GATB: variants seen among roughly 807,000 people sequenced by gnomAD.
The protein encoded by GATB is glutamyl-tRNA amidotransferase subunit B.
Under a neutral mutation model 62.3 loss-of-function variants are expected in GATB, and 39 were observed. That is an observed-to-expected ratio of 0.63 (90% CI 0.48 to 0.82). GATB has a LOEUF of 0.82. Among genes scored for constraint, GATB ranks in the 40% least tolerant of loss-of-function variants. GATB has a pLI of 0.00. For missense variants in GATB, 670 were observed against 684.0 expected (o/e 0.98, Z 0.23); for synonymous variants, 276 against 258.9 (o/e 1.07, Z -0.63).
At chr4:151,678,745 C>T (rs116519361) in intron 11 of GATB, among the ~76,000 whole-genome samples, 306 of 152,352 alleles carry the variant, frequency 2.0e-3, no homozygotes, top group Admixed American at 5.9e-3. Context: ...CCTGCCACTA[C>T]TGTCGGTGCA....
At chr4:151,718,884 C>T (rs772120103) in intron 3 of GATB, among the ~76,000 whole-genome samples, 9 of 151,976 alleles carry the variant, frequency 5.9e-5, no homozygotes, top group Admixed American at 2.0e-4. Flanking sequence ...TACTGCTCAG[C>T]CAAGTAACTG....
At chr4:151,716,276 C>A (rs896771664) in intron 4 of GATB, 145 bp from the exon 5 acceptor site, 35 of 723,626 alleles carry the variant, frequency 4.8e-5, no homozygotes, top group Non-Finnish European at 6.0e-5. Context: ...TTCCCTCCCA[C>A]CTTTTTTTTT....
intron 2 of GATB, among the ~76,000 whole-genome samples, chr4:151,736,267 CA>C (rs1314668165): frequency 6.6e-6 from 1 of 152,070 alleles, no homozygotes; most frequent in Non-Finnish European, 1.5e-5. Flanking sequence ...ATAAACCCTG[CA>C]AATAGACACC....
chr4:151,671,147 C>G lies in GATB; in HGVS notation c.*27G>C, dbSNP rs376089217. On this transcript the variant is annotated 3_prime_UTR_variant, in exon 13 of 13. Coordinates refer to ENST00000263985, the MANE Select transcript of GATB (RefSeq NM_004564.3). ...GTCAGGCTGCACTGTTTGTTGTTGT[C>G]CCTTGGGCAAGGGGATCCCAAACAT... 1.2e-6 allele frequency: 2 copies of G among 1,613,892 alleles called. No individual in the cohort carries two copies. The highest frequency in any genetic ancestry group is 1.7e-6 in the Non-Finnish European group (2 of 1,179,838).
intron 2 of GATB, among the ~76,000 whole-genome samples, chr4:151,752,902 G>C (rs543477525): frequency 6.6e-6 from 1 of 152,256 alleles, no homozygotes; most frequent in Non-Finnish European, 1.5e-5. Context: ...TTCATCAGTG[G>C]CCTTCACTGT....
intron 2 of GATB, among the ~76,000 whole-genome samples, chr4:151,757,791 C>G (rs1739866163): frequency 6.6e-6 from 1 of 152,102 alleles, no homozygotes. Context: ...CCAGCTTCCA[C>G]TCTTATTTAA....
chr4:151,746,268 A>G (rs1739592192), intron 2 of GATB, among the ~76,000 whole-genome samples: 1 of 152,234 alleles, frequency 6.6e-6, no homozygotes, highest in Admixed American at 6.5e-5. Flanking sequence ...CTGAAATCTC[A>G]CCATTACTGG....
At chr4:151,705,764 C>T (rs1339498698) in intron 6 of GATB, among the ~76,000 whole-genome samples, 1 of 152,174 alleles carries the variant, frequency 6.6e-6, no homozygotes, top group Non-Finnish European at 1.5e-5. Context: ...ATCCAAGGAC[C>T]CATGCCTCAG....
rs779744289 is a variant in GATB, at chr4:151,671,157, A to G, written c.*17T>C. ...ACTGTTTGTTGTTGTCCCTTGGGCA[A>G]GGGGATCCCAAACATCTCACAATGA... is the stretch of plus-strand genomic sequence containing the variant. On this transcript the variant is annotated 3_prime_UTR_variant, in exon 13 of 13. Transcript: ENST00000263985. The G allele has an allele frequency of 2.5e-6, 4 of 1,613,798 alleles. No individual in the cohort carries two copies. Among genetic ancestry groups the G allele is most frequent in the Middle Eastern group, 1.7e-4 (1 of 6,058 alleles).
At chr4:151,693,443 G>A (rs1385297034) in intron 9 of GATB, among the ~76,000 whole-genome samples, 1 of 152,144 alleles carries the variant, frequency 6.6e-6, no homozygotes, top group African/African-American at 2.4e-5. Flanking sequence ...GAGAGGCCTC[G>A]TCAGTGGAGA....
intron 2 of GATB, among the ~76,000 whole-genome samples, chr4:151,729,357 G>T (rs1331750538): frequency 6.6e-6 from 1 of 152,274 alleles, no homozygotes; most frequent in Non-Finnish European, 1.5e-5. Context: ...GGACTAAAGA[G>T]ACATGACAAC....
At chr4:151,722,204 G>A (rs1560856709) in intron 2 of GATB, 4 of 702,130 alleles carry the variant, frequency 5.7e-6, no homozygotes, top group Non-Finnish European at 1.0e-5. Flanking sequence ...TTCAACTTGG[G>A]CTGTCTTCAC....
At chr4:151,707,875 C>A (rs759513833) in intron 6 of GATB, 113 bp downstream of exon 6, 1 of 694,700 alleles carries the variant, frequency 1.4e-6, no homozygotes, top group Non-Finnish European at 2.5e-6. Context: ...CAGAACGGAC[C>A]AGTGAAAACG....
chr4:151,744,790 C>T (rs1197987483), intron 2 of GATB, among the ~76,000 whole-genome samples: 1 of 152,126 alleles, frequency 6.6e-6, no homozygotes, highest in East Asian at 1.9e-4. Flanking sequence ...GAGGTGAGAT[C>T]ATGCTGCCTC....
intron 9 of GATB, among the ~76,000 whole-genome samples, chr4:151,689,841 T>G (rs1258083408): frequency 6.6e-6 from 1 of 152,146 alleles, no homozygotes; most frequent in Non-Finnish European, 1.5e-5. Context: ...GGTTCTATAC[T>G]ACAGCTTGCT....
At chr4:151,677,873 C>CT (rs1738041632) in intron 11 of GATB, 1 of 150,934 alleles carries the variant, frequency 6.6e-6, no homozygotes, top group African/African-American at 2.5e-5. Context: ...AAGAAATAAA[C>CT]TAAAAAAAAG....
rs1738600381 is a variant in GATB at position 151,701,401 on chromosome 4, C to T, written c.1125G>A (p.Glu375=). 1.2e-6 allele frequency: 2 copies of T among 1,604,826 alleles called. No homozygotes were observed. The highest frequency in any genetic ancestry group is 1.7e-6 in the Non-Finnish European group (2 of 1,175,514). The stretch of plus-strand genomic sequence containing the variant: ...GCTTCTCTCGGGTCACACTGGGGAG[C>T]TCCGGGAGTGTCTCCCGAATCTGGT... The part of the protein sequence containing the change: ...NIDQIRETLP[E]LPSVTREKLV... Residue 375 remains glutamate, a synonymous_variant, in exon 9 of 13, where the codon GAG becomes GAA. Coordinates refer to ENST00000263985, the MANE Select transcript of GATB (RefSeq NM_004564.3).
chr4:151,674,637 CCTG>C (rs751584563), intron 11 of GATB: 1 of 152,078 alleles, frequency 6.6e-6, no homozygotes, highest in Non-Finnish European at 1.5e-5. Flanking sequence ...CAGTTTGTGT[CCTG>C]CTTTCTTTCA....
Position 151,760,888 on chromosome 4 carries a change from G to A in GATB, c.95C>T (p.Thr32Ile), listed in dbSNP as rs370905906. Residue 32 changes from threonine (T) to isoleucine (I), a missense_variant, in exon 1 of 13, where the codon ACT (threonine) becomes ATT (isoleucine). Coordinates refer to ENST00000263985, the MANE Select transcript of GATB (RefSeq NM_004564.3). The part of the protein sequence containing the change: ...GGSCHRRGAP[T>I]GSTSNQIRGE... ...CCTAATCTGGTTGGATGTGGACCCAGTCGGAGCCCCTCTTCGGTGGCAAGA... is the reference window on the plus strand; with the variant it reads ...CCTAATCTGGTTGGATGTGGACCCAATCGGAGCCCCTCTTCGGTGGCAAGA... The A allele has an allele frequency of 3.1e-6, 5 of 1,614,126 alleles. No individual in the cohort carries two copies. Among genetic ancestry groups the A allele is most frequent in the South Asian group, 1.1e-5 (1 of 91,050 alleles).
Sources: gnomAD v4.1 joint callset for allele counts (sites outside exome capture counted in the v4.1 genomes callset) on GRCh38, gnomAD v4.1.1 for gene constraint, MANE v1.5 for transcripts, NCBI Gene and HGNC (gene_info 2026-07-23, HGNC 2026-07-21) for gene names.